SENP6: variants seen among roughly 807,000 people sequenced by gnomAD.
SENP6 encodes the protein SUMO specific peptidase 6, also known as sentrin-specific protease 6.
Under a neutral mutation model 134.5 loss-of-function variants are expected in SENP6, and 41 were observed. The ratio of observed to expected loss-of-function variants is 0.30; its 90% confidence interval spans 0.24 to 0.40. The LOEUF (loss-of-function observed/expected upper bound fraction) is 0.40. Among genes scored for constraint, SENP6 ranks in the 10% least tolerant of loss-of-function variants. The pLI is 1.00. For missense variants in SENP6, 1,248 were observed against 1,312.5 expected, an observed-to-expected ratio of 0.95 and a Z score of 0.76; for synonymous variants, 395 against 429.8, an observed-to-expected ratio of 0.92 and a Z score of 1.00.
intron 1 of SENP6, among the ~76,000 whole-genome samples, chr6:75,604,790 C>T (rs982429097): frequency 5.3e-5 from 8 of 152,034 alleles, no homozygotes; most frequent in South Asian, 2.1e-4. Context: ...TAAAATATTC[C>T]GGCCAGGCGT....
At chr6:75,694,458 A>G (rs979398055) in intron 16 of SENP6, among the ~76,000 whole-genome samples, 2 of 152,252 alleles carry the variant, frequency 1.3e-5, no homozygotes, top group Admixed American at 6.5e-5. Flanking sequence ...TATAATACAT[A>G]TAACATACAA....
chr6:75,640,064 T>G (rs2149842942), intron 5 of SENP6, among the ~76,000 whole-genome samples: 1 of 152,316 alleles, frequency 6.6e-6, no homozygotes, highest in South Asian at 2.1e-4. Context: ...TATTGAGAAT[T>G]ATGTCCAGGT....
chr6:75,714,195 T>G (rs1424185633), intron 23 of SENP6, among the ~76,000 whole-genome samples: 1 of 152,198 alleles, frequency 6.6e-6, no homozygotes, highest in Admixed American at 6.5e-5. Context: ...ATTCTACAGA[T>G]TCTACTTCTC....
rs776253373 is a variant in SENP6 at position 75,715,583 on chromosome 6, A to C, written c.3328A>C (p.Ile1110Leu). ...AGGAACAGAACAATATGTCAATAGTATCTCAGATTGACCATTTCTGTTACT... is the reference window on the plus strand; with the variant it reads ...AGGAACAGAACAATATGTCAATAGTCTCTCAGATTGACCATTTCTGTTACT... The part of the protein sequence containing the change: ...GEGTEQYVNS[I>L]SD Residue 1110 changes from isoleucine (I) to leucine (L), a missense_variant, in exon 24 of 24, where the codon ATC (isoleucine) becomes CTC (leucine). Transcript: ENST00000447266. The C allele has an allele frequency of 6.5e-5, 104 of 1,607,446 alleles. No homozygotes were observed. The highest frequency in any genetic ancestry group is 8.6e-5 in the Non-Finnish European group (101 of 1,176,410).
intron 18 of SENP6, among the ~76,000 whole-genome samples, chr6:75,700,379 A>T (rs1167588364): frequency 2.6e-5 from 4 of 152,224 alleles, no homozygotes; most frequent in Non-Finnish European, 5.9e-5. Context: ...TTAGGTGAGG[A>T]TATTTGTAGC....
intron 7 of SENP6, among the ~76,000 whole-genome samples, chr6:75,656,232 AG>A (rs1434695198): frequency 1.4e-5 from 2 of 147,326 alleles, no homozygotes; most frequent in African/African-American, 2.5e-5. Context: ...AAAAAAAAAA[AG>A]AATACACATT....
chr6:75,654,166 G>A (rs945461926), intron 7 of SENP6, among the ~76,000 whole-genome samples: 3 of 152,208 alleles, frequency 2.0e-5, no homozygotes, highest in African/African-American at 7.2e-5. Context: ...GAAGGCTGCA[G>A]TGAGCACAGG....
chr6:75,665,285 C>CAAA (rs35079953), intron 9 of SENP6, among the ~76,000 whole-genome samples: 1 of 89,852 alleles, frequency 1.1e-5, no homozygotes, highest in Non-Finnish European at 2.4e-5. Flanking sequence ...GACTCCGTCT[C>CAAA]AAAAAAAAAA....
intron 8 of SENP6, among the ~76,000 whole-genome samples, 155 bp from the exon 9 acceptor site, chr6:75,663,066 A>AGG (rs1279523743): frequency 1.3e-5 from 2 of 152,192 alleles, no homozygotes; most frequent in African/African-American, 2.4e-5. Flanking sequence ...TGAGACTTTG[A>AGG]GGGGATTCCT....
intron 16 of SENP6, among the ~76,000 whole-genome samples, chr6:75,684,168 G>C (rs1773663543): frequency 6.6e-6 from 1 of 152,144 alleles, no homozygotes; most frequent in Non-Finnish European, 1.5e-5. Context: ...AACTGTGAAT[G>C]GGAGTTCACT....
intron 4 of SENP6, 90 bp downstream of exon 4, chr6:75,633,816 CT>C: frequency 8.8e-7 from 1 of 1,130,346 alleles, no homozygotes; most frequent in Non-Finnish European, 1.2e-6. Context: ...CAACCTGTAC[CT>C]TTTCTTCTGA....
chr6:75,666,744 G>A lies in SENP6; in HGVS notation c.1027G>A (p.Asp343Asn). ...ILSSDDDDDN[D>N]RTNRRESISP... ...GTCCAGTGATGATGATGATGACAAC[G>A]ACAGAACTAACAGAAGAGAAAGCAT... The change falls in exon 10 of 24, where the codon GAC (aspartate) becomes AAC (asparagine). Residue 343 changes from aspartate to asparagine, a missense_variant. Around this residue, in one of 3 missense-constraint regions of SENP6, gnomAD observed 733 missense variants for 725.4 expected, o/e 1.01. Coordinates refer to ENST00000447266, the MANE Select transcript of SENP6 (RefSeq NM_015571.4). The A allele has an allele frequency of 2.5e-6, 4 of 1,595,676 alleles. No homozygotes were observed. Among genetic ancestry groups the A allele is most frequent in the South Asian group, 1.1e-5 (1 of 88,446 alleles).
chr6:75,613,759 A>G (rs1339152538), intron 1 of SENP6, among the ~76,000 whole-genome samples: 2 of 152,196 alleles, frequency 1.3e-5, no homozygotes, highest in Non-Finnish European at 2.9e-5. Context: ...TGTTTAGGAA[A>G]TATACATTCT....
At chr6:75,656,271 C>G (rs1022742764) in intron 7 of SENP6, among the ~76,000 whole-genome samples, 1 of 151,342 alleles carries the variant, frequency 6.6e-6, no homozygotes, top group African/African-American at 2.4e-5. Context: ...AGGGAGTATC[C>G]TAATCTTCAT....
At chr6:75,705,562 T>A (rs7761935) in intron 19 of SENP6, among the ~76,000 whole-genome samples, 37,346 of 149,962 alleles carry the variant, frequency 0.25, 5,581 homozygotes, top group Non-Finnish European at 0.35. Flanking sequence ...ATAAATAAAT[T>A]AATTAATTAA....
chr6:75,641,161 A>G (rs1769999549), intron 6 of SENP6, among the ~76,000 whole-genome samples: 1 of 152,120 alleles, frequency 6.6e-6, no homozygotes, highest in South Asian at 2.1e-4. Context: ...TCTACTCTCT[A>G]TAATAAAAGG....
At chr6:75,654,275 A>G (rs1356870909) in intron 7 of SENP6, among the ~76,000 whole-genome samples, 2 of 152,236 alleles carry the variant, frequency 1.3e-5, no homozygotes, top group Admixed American at 6.5e-5. Flanking sequence ...TGAGTTTTGA[A>G]TCACTGGAAT....
intron 22 of SENP6, 27 bp from the exon 23 acceptor site, chr6:75,713,648 A>G: frequency 6.3e-7 from 1 of 1,588,092 alleles, no homozygotes; most frequent in Non-Finnish European, 8.6e-7. Flanking sequence ...ATATGTGTGT[A>G]TTCTTAATAT....
chr6:75,663,166 A>G, intron 8 of SENP6, 55 bp from the exon 9 acceptor site: 2 of 1,496,522 alleles, frequency 1.3e-6, no homozygotes. Flanking sequence ...CAAAATGTGG[A>G]AAGGAAAAAG....
Sources: allele counts gnomAD v4.1 joint callset (sites outside exome capture counted in the v4.1 genomes callset), GRCh38; gene constraint gnomAD v4.1.1; regional missense constraint gnomAD v4.1.1; transcripts MANE v1.5; gene names NCBI Gene and HGNC (gene_info 2026-07-23, HGNC 2026-07-21).